The following KCNQ4 variants were observed in gnomAD, a reference collection of about 807,000 sequenced individuals.
KCNQ4 encodes the protein potassium voltage-gated channel subfamily Q member 4.
A neutral mutation model predicts 72.6 loss-of-function variants in KCNQ4; 31 were observed. That is an observed-to-expected ratio of 0.43 (90% CI 0.32 to 0.58). The LOEUF is 0.58. Ranked by LOEUF, KCNQ4 falls within the 20% of genes least tolerant of loss-of-function variation. The pLI is 0.08. For missense variants in KCNQ4, 869 were observed against 962.6 expected, an observed-to-expected ratio of 0.90 and a Z score of 1.29; for synonymous variants, 405 against 403.7, an observed-to-expected ratio of 1.00 and a Z score of -0.04.
chr1:40,838,512 A>C lies in KCNQ4; in HGVS notation c.2077A>C (p.Asn693His). The change falls in exon 14 of 14, where the codon AAC becomes CAC. Residue 693 changes from asparagine to histidine, a missense_variant. Physicochemically the swap from Asn to His is moderately conservative, Grantham distance 68. Transcript: ENST00000347132. ...TLSISRSVSTNMD is the reference protein window; with the variant it reads ...TLSISRSVSTHMD ...CAGCATCTCCCGCTCGGTCAGCACCAACATGGACTGAGGGACTTCTCAGAG... is the reference window on the plus strand; with the variant it reads ...CAGCATCTCCCGCTCGGTCAGCACCCACATGGACTGAGGGACTTCTCAGAG... The C allele has an allele frequency of 6.2e-7, 1 of 1,614,058 alleles. No homozygotes were observed. Among genetic ancestry groups the C allele is most frequent in the Non-Finnish European group, 8.5e-7 (1 of 1,179,898 alleles).
At chr1:40,793,471 AG>A (rs1282115023) in intron 1 of KCNQ4, among the ~76,000 whole-genome samples, 3 of 152,074 alleles carry the variant, frequency 2.0e-5, no homozygotes, top group African/African-American at 7.2e-5. Flanking sequence ...CTACGACATC[AG>A]GGGTCACCCC....
At chr1:40,806,706 C>A (rs537033239) in intron 1 of KCNQ4, among the ~76,000 whole-genome samples, 1 of 138,542 alleles carries the variant, frequency 7.2e-6, no homozygotes, top group African/African-American at 2.7e-5. Flanking sequence ...AAAGAGAATT[C>A]TTTAGAGGCT....
At position 40,788,353 on chromosome 1, in the gene KCNQ4, G is replaced by A. The variant is rs908489718; in HGVS notation, c.314+3946G>A. Among the ~76,000 whole-genome samples, 1 of 152,168 alleles carries A rather than the reference G, an allele frequency of 6.6e-6. No homozygotes were observed. The highest frequency in any genetic ancestry group is 1.5e-5 in the Non-Finnish European group (1 of 68,026). On this transcript the variant is annotated intron_variant, in intron 1 of 13. Coordinates refer to ENST00000347132, the MANE Select transcript of KCNQ4 (RefSeq NM_004700.4). This position sits in a 1 kb window ranked among gnomAD's most constrained non-coding sequence, Gnocchi z 4.5. ...TAGGCCAGGGCAGAGAGTTGAAATTGCTCCTGCTTCCTTGTCCAGGACTGT... is the reference window on the plus strand; with the variant it reads ...TAGGCCAGGGCAGAGAGTTGAAATTACTCCTGCTTCCTTGTCCAGGACTGT...
intron 1 of KCNQ4, among the ~76,000 whole-genome samples, chr1:40,807,093 G>A (rs761092941): frequency 3.3e-5 from 5 of 152,212 alleles, no homozygotes; most frequent in African/African-American, 9.7e-5. Flanking sequence ...TAATGGGTCC[G>A]TCTAGAGGGG....
At chr1:40,795,012 C>A (rs1401186332) in intron 1 of KCNQ4, among the ~76,000 whole-genome samples, 1 of 152,108 alleles carries the variant, frequency 6.6e-6, no homozygotes, top group Non-Finnish European at 1.5e-5. Context: ...ATCAAGGGCT[C>A]ACCCCTCAGT....
rs977544598 is a variant in KCNQ4 at position 40,817,039 on chromosome 1, A to C, written c.315-226A>C. On this transcript the variant is annotated intron_variant, in intron 1 of 13. Transcript: ENST00000347132. This position sits in a 1 kb window ranked among gnomAD's most constrained non-coding sequence, Gnocchi z 5.5. ...ACCTCTCTGAGCTGCAGCCTGCAGC[A>C]GGGGGCAATTGAGATAGTTGTGAGG... is the stretch of plus-strand genomic sequence containing the variant. Among the ~76,000 whole-genome samples, 1 of 152,226 alleles carries C rather than the reference A, an allele frequency of 6.6e-6. No homozygotes were observed. Among genetic ancestry groups the C allele is most frequent in the African/African-American group, 2.4e-5 (1 of 41,474 alleles).
intron 3 of KCNQ4, 25 bp from the exon 4 acceptor site, chr1:40,818,480 G>C (rs1489279589): frequency 2.5e-6 from 4 of 1,599,064 alleles, no homozygotes; most frequent in Non-Finnish European, 3.4e-6. Context: ...GGCTGGCTGT[G>C]ATCTCGCCGC....
At chr1:40,804,588 G>A (rs1647699292) in intron 1 of KCNQ4, among the ~76,000 whole-genome samples, 1 of 152,198 alleles carries the variant, frequency 6.6e-6, no homozygotes, top group Non-Finnish European at 1.5e-5. Context: ...GATGGAGGCA[G>A]GAGAATTGTT....
intron 4 of KCNQ4, among the ~76,000 whole-genome samples, 155 bp from the exon 5 acceptor site, chr1:40,819,187 AGGCCG>A (rs1648201148): frequency 6.6e-6 from 1 of 150,930 alleles, no homozygotes; most frequent in African/African-American, 2.4e-5. Context: ...GGTTTCGCGA[AGGCCG>A]GGGCAGGGTC....
intron 1 of KCNQ4, among the ~76,000 whole-genome samples, chr1:40,810,458 T>C (rs1647902811): frequency 6.6e-6 from 1 of 152,238 alleles, no homozygotes; most frequent in Non-Finnish European, 1.5e-5. Context: ...ATTATTCATT[T>C]CTGGTTTTAC....
Position 40,784,180 on chromosome 1 carries a change from G to A in KCNQ4, c.87G>A (p.Val29=). 8.9e-7 allele frequency: 1 copy of A among 1,126,034 alleles called. No individual in the cohort carries two copies. The highest frequency in any genetic ancestry group is 1.1e-6 in the Non-Finnish European group (1 of 916,832). 69.8% of individuals were successfully genotyped at this position (1,126,034 alleles called of 1,614,324 possible). The change falls in exon 1 of 14, where the codon GTG becomes GTA. Residue 29 remains valine, a synonymous_variant. Coordinates refer to ENST00000347132, the MANE Select transcript of KCNQ4 (RefSeq NM_004700.4). This position sits in a 1 kb window ranked among gnomAD's most constrained non-coding sequence, Gnocchi z 4.1. The part of the protein sequence containing the change: ...PRAELVALTA[V]QSEQGEAGGG... ...CGGAGCTAGTGGCGCTCACGGCCGT[G>A]CAGAGCGAACAGGGCGAGGCGGGCG...
chr1:40,799,306 C>T (rs1196049290), intron 1 of KCNQ4, among the ~76,000 whole-genome samples: 1 of 152,156 alleles, frequency 6.6e-6, no homozygotes, highest in Non-Finnish European at 1.5e-5. Flanking sequence ...AGGTTTAGGG[C>T]ACATGTTGGG....
At chr1:40,790,030 T>C (rs1360510467) in intron 1 of KCNQ4, among the ~76,000 whole-genome samples, 4 of 152,186 alleles carry the variant, frequency 2.6e-5, no homozygotes, top group Non-Finnish European at 5.9e-5. Context: ...GGGAAGCTCC[T>C]AGTGTGGGAG....
intron 11 of KCNQ4, among the ~76,000 whole-genome samples, chr1:40,834,442 C>T (rs1648749245): frequency 6.6e-6 from 1 of 152,102 alleles, no homozygotes; most frequent in African/African-American, 2.4e-5. Context: ...GCAGAGCTGG[C>T]ATGCTAAAGC....
At chr1:40,809,376 C>A (rs1647857880) in intron 1 of KCNQ4, among the ~76,000 whole-genome samples, 1 of 152,146 alleles carries the variant, frequency 6.6e-6, no homozygotes, top group South Asian at 2.1e-4. Flanking sequence ...TCTCTTCATA[C>A]CCATGGAGTG....
chr1:40,809,958 G>A (rs1413823766), intron 1 of KCNQ4, among the ~76,000 whole-genome samples: 3 of 152,046 alleles, frequency 2.0e-5, no homozygotes, highest in South Asian at 2.1e-4. Flanking sequence ...CCAGCTACTC[G>A]GGAGGCTGAG....
chr1:40,789,596 G>A (rs571182148), intron 1 of KCNQ4, among the ~76,000 whole-genome samples: 3 of 151,870 alleles, frequency 2.0e-5, no homozygotes, highest in African/African-American at 4.8e-5. Context: ...AAGTTCTTTG[G>A]TGTCACTGGA....
At chr1:40,799,849 C>G (rs929965126) in intron 1 of KCNQ4, among the ~76,000 whole-genome samples, 1 of 152,240 alleles carries the variant, frequency 6.6e-6, no homozygotes, top group Non-Finnish European at 1.5e-5. Flanking sequence ...TAGATTAGAG[C>G]TTTTCAAACT....
intron 1 of KCNQ4, among the ~76,000 whole-genome samples, chr1:40,797,957 G>T (rs1647464028): frequency 6.6e-6 from 1 of 152,046 alleles, no homozygotes; most frequent in African/African-American, 2.4e-5. Context: ...TAAGCTTGGG[G>T]TCCATGGGGG....
Sources: gnomAD v4.1 joint callset for allele counts (sites outside exome capture counted in the v4.1 genomes callset) on GRCh38, gnomAD v4.1.1 for gene constraint, Gnocchi (gnomAD v3.1) non-coding constraint, MANE v1.5 for transcripts, NCBI Gene and HGNC (gene_info 2026-07-23, HGNC 2026-07-21) for gene names.